MYT1L: variants seen among roughly 807,000 people sequenced by gnomAD.
The protein encoded by MYT1L is myelin transcription factor 1-like protein.
MYT1L carries 12 observed loss-of-function variants against 126.7 expected under a neutral mutation model. The ratio of observed to expected loss-of-function variants is 0.09; its 90% CI spans 0.06 to 0.15. The LOEUF (loss-of-function observed/expected upper bound fraction) is 0.15. Ranked by LOEUF, MYT1L falls within the 10% of genes least tolerant of loss-of-function variation. The probability of loss-of-function intolerance (pLI) is 1.00; values close to 1 mark genes in which losing one functional copy is unlikely to be tolerated. For synonymous variants in MYT1L, 541 were observed against 604.2 expected, an observed-to-expected ratio of 0.90 and a Z score of 1.53; for missense variants, 979 against 1,585.2, an observed-to-expected ratio of 0.62 and a Z score of 6.49.
intron 8 of MYT1L, among the ~76,000 whole-genome samples, chr2:1,950,422 C>T (rs926937047): frequency 6.6e-6 from 1 of 152,054 alleles, no homozygotes; most frequent in Non-Finnish European, 1.5e-5. Context: ...TACAGACCTA[C>T]TCCCAACCTC....
intron 2 of MYT1L, among the ~76,000 whole-genome samples, chr2:2,271,778 C>T (rs2095268134): frequency 6.6e-6 from 1 of 152,212 alleles, no homozygotes; most frequent in South Asian, 2.1e-4. Flanking sequence ...AAAATGCCAG[C>T]TCCCTGGACA....
intron 21 of MYT1L, among the ~76,000 whole-genome samples, chr2:1,835,610 G>T (rs1464548692): frequency 6.6e-6 from 1 of 152,132 alleles, no homozygotes; most frequent in African/African-American, 2.4e-5. Context: ...CCCAGGTCCG[G>T]TGTGCTCAGG....
chr2:2,154,366 GAATAGAT>G (rs2086351918), intron 3 of MYT1L, among the ~76,000 whole-genome samples: 1 of 152,128 alleles, frequency 6.6e-6, no homozygotes, highest in Non-Finnish European at 1.5e-5. Context: ...AAGGAATAAA[GAATAGAT>G]ACTAGAGTCT....
intron 22 of MYT1L, among the ~76,000 whole-genome samples, chr2:1,805,512 G>A (rs897110084): frequency 6.6e-6 from 1 of 152,252 alleles, no homozygotes. Context: ...AGCACTTTGG[G>A]AGGCTGAGGT....
chr2:2,291,213 G>T (rs190349311), intron 1 of MYT1L, among the ~76,000 whole-genome samples: 3 of 152,300 alleles, frequency 2.0e-5, no homozygotes, highest in Admixed American at 6.5e-5. Flanking sequence ...AAAAAGGGTT[G>T]TGATTCTGGG....
At chr2:1,966,916 G>T (rs763654981) in intron 8 of MYT1L, among the ~76,000 whole-genome samples, 1 of 152,190 alleles carries the variant, frequency 6.6e-6, no homozygotes, top group Non-Finnish European at 1.5e-5. Flanking sequence ...ATGGCACATT[G>T]TGACTTTGAA....
chr2:2,266,602 G>C (rs1199348659), intron 2 of MYT1L, among the ~76,000 whole-genome samples: 1 of 151,990 alleles, frequency 6.6e-6, no homozygotes, highest in African/African-American at 2.4e-5. Context: ...AGTGGGCCAG[G>C]GTGTTGTTAC....
At chr2:2,088,659 A>G (rs1235789667) in intron 3 of MYT1L, among the ~76,000 whole-genome samples, 1 of 152,194 alleles carries the variant, frequency 6.6e-6, no homozygotes, top group Admixed American at 6.5e-5. Context: ...AGTTCTAAGT[A>G]CTAGTATAAA....
intron 3 of MYT1L, among the ~76,000 whole-genome samples, chr2:2,165,505 A>G (rs1352273420): frequency 6.6e-6 from 1 of 152,210 alleles, no homozygotes; most frequent in African/African-American, 2.4e-5. Flanking sequence ...TTTCAACAGA[A>G]AAGGAAGTTA....
chr2:2,135,507 C>T (rs1476684996), intron 3 of MYT1L, among the ~76,000 whole-genome samples: 3 of 152,242 alleles, frequency 2.0e-5, no homozygotes, highest in African/African-American at 7.2e-5. Context: ...CTACTAATTT[C>T]TTACCTGAGC....
At chr2:1,925,759 T>C (rs115763552) in intron 9 of MYT1L, among the ~76,000 whole-genome samples, 1,690 of 152,234 alleles carry the variant, frequency 0.011, 15 homozygotes, top group Admixed American at 0.023. Context: ...TCATACCGCA[T>C]TGATATGAAA....
chr2:2,265,101 C>T (rs927183566), intron 2 of MYT1L, among the ~76,000 whole-genome samples: 2 of 150,342 alleles, frequency 1.3e-5, no homozygotes, highest in African/African-American at 4.9e-5. Context: ...GATAATGGCT[C>T]ACTGCAACAT....
Position 2,115,747 on chromosome 2 carries a change from C to T in MYT1L, c.-304+57125G>A, listed in dbSNP as rs140343420. ...CAAGGCAAGGCCCCCGCGGGAGTGT[C>T]GGGGTGGGGACAGCGGGAGAGCTGT... is the stretch of plus-strand genomic sequence containing the variant. On this transcript the variant is annotated intron_variant, in intron 3 of 24. Transcript: ENST00000647738. Among the ~76,000 whole-genome samples, 39 of 152,322 alleles carry T rather than the reference C, an allele frequency of 2.6e-4. No individual in the cohort carries two copies. The East Asian group carries it at 7.2e-3, about 28-fold the overall frequency.
intron 3 of MYT1L, among the ~76,000 whole-genome samples, chr2:2,086,676 G>C (rs779147933): frequency 1.3e-5 from 2 of 152,128 alleles, no homozygotes; most frequent in Non-Finnish European, 2.9e-5. Flanking sequence ...AAGGAGCCCC[G>C]GTGACCGAAC....
chr2:2,004,824 C>T (rs926694674), intron 4 of MYT1L, among the ~76,000 whole-genome samples: 2 of 150,354 alleles, frequency 1.3e-5, no homozygotes, highest in African/African-American at 4.9e-5. Flanking sequence ...GCATTCTTTC[C>T]TGCATGTGTT....
intron 3 of MYT1L, among the ~76,000 whole-genome samples, chr2:2,085,764 G>C (rs116060530): frequency 1.5e-3 from 224 of 152,328 alleles, no homozygotes; most frequent in African/African-American, 5.2e-3. Flanking sequence ...CAGATCGTAA[G>C]ATGCTGAAGC....
intron 2 of MYT1L, among the ~76,000 whole-genome samples, chr2:2,187,756 T>C (rs551152798): frequency 5.7e-4 from 86 of 152,128 alleles, no homozygotes; most frequent in Non-Finnish European, 1.1e-3. Flanking sequence ...TCTTACTGGA[T>C]AAGTTCTTGA....
rs570126011 is a variant in MYT1L at position 2,304,600 on chromosome 2, G to C, written c.-520-20097C>G. Among the ~76,000 whole-genome samples the C allele has an allele frequency of 3.9e-5, 6 of 152,234 alleles. No individual in the cohort carries two copies. In the East Asian group the frequency reaches 1.2e-3, roughly 29 times the overall value. ...GCTTGTGGTGAAGTTTCAGGGAGCA[G>C]GTTGCTGCTCTGTCTGTATCACTGG... On this transcript the variant is annotated intron_variant, in intron 1 of 24. Coordinates refer to ENST00000647738, the MANE Select transcript of MYT1L (RefSeq NM_001303052.2).
At chr2:2,234,658 C>G (rs528526982) in intron 2 of MYT1L, among the ~76,000 whole-genome samples, 9 of 152,148 alleles carry the variant, frequency 5.9e-5, no homozygotes, top group African/African-American at 1.9e-4. Context: ...TTCCCCATGG[C>G]AATCTTTAAG....
Sources: gnomAD v4.1 joint callset for allele counts (sites outside exome capture counted in the v4.1 genomes callset) on GRCh38, gnomAD v4.1.1 for gene constraint, MANE v1.5 for transcripts, NCBI Gene and HGNC (gene_info 2026-07-23, HGNC 2026-07-21) for gene names.